LARGE1: variants seen among roughly 807,000 people sequenced by gnomAD.
LARGE1 encodes the protein LARGE xylosyl- and glucuronyltransferase 1, also known as xylosyl- and glucuronyltransferase LARGE1.
In LARGE1, 43 loss-of-function variants were observed where a neutral mutation model predicts 87.6. That is an observed-to-expected ratio of 0.49 (90% CI 0.38 to 0.63). The LOEUF (loss-of-function observed/expected upper bound fraction) is 0.63, where lower values mean the gene tolerates loss of function less well. Ranked by LOEUF, LARGE1 falls within the 30% of genes least tolerant of loss-of-function variation. The pLI is 0.00. For synonymous variants in LARGE1, 434 were observed against 394.6 expected (o/e 1.10, Z -1.18); for missense variants, 802 against 1,000.2 (o/e 0.80, Z 2.67).
Position 33,479,483 on chromosome 22 carries a change from T to C in LARGE1, c.788-47218A>G, listed in dbSNP as rs1416777050. ...AAACTCCATAGAAACAGGGACTTTG[T>C]CAGTTATTTCTACAGTCAACAGGAC... is the stretch of plus-strand genomic sequence containing the variant. On this transcript the variant is annotated intron_variant, in intron 6 of 14. Coordinates refer to ENST00000397394, the MANE Select transcript of LARGE1 (RefSeq NM_133642.5). 2.6e-5 allele frequency among the ~76,000 whole-genome samples: 4 copies of C among 152,338 alleles called. 1 individual carries two copies. The East Asian group carries it at 7.7e-4, about 29-fold the overall frequency.
intron 11 of LARGE1, among the ~76,000 whole-genome samples, chr22:33,248,749 T>C (rs1352922116): frequency 6.6e-6 from 1 of 152,260 alleles, no homozygotes; most frequent in Non-Finnish European, 1.5e-5. Context: ...CCTGATCTTT[T>C]TACTATCTCC....
chr22:33,077,352 T>C, the LARGE1 span, among the ~76,000 whole-genome samples: 3 of 152,206 alleles, frequency 2.0e-5, no homozygotes, highest in Non-Finnish European at 4.4e-5. Flanking sequence ...CCCAGAGTCA[T>C]ATAGTACTTT....
At chr22:33,244,286 C>T (rs1429936242) in intron 11 of LARGE1, among the ~76,000 whole-genome samples, 9 of 152,082 alleles carry the variant, frequency 5.9e-5, no homozygotes, top group East Asian at 3.8e-4. Flanking sequence ...TGAGCCACCG[C>T]GCCCGGCCTA....
intron 11 of LARGE1, among the ~76,000 whole-genome samples, chr22:33,307,680 A>G (rs916515572): frequency 2.5e-4 from 38 of 152,118 alleles, no homozygotes; most frequent in Non-Finnish European, 4.6e-4. Flanking sequence ...TCTAGTGGGG[A>G]AAAAAGACAA....
At chr22:33,842,708 C>G (rs950652965) in intron 1 of LARGE1, among the ~76,000 whole-genome samples, 2 of 152,160 alleles carry the variant, frequency 1.3e-5, no homozygotes, top group African/African-American at 4.8e-5. Flanking sequence ...CATCTGTGCT[C>G]TAAAATATGG....
chr22:33,859,042 G>A (rs1305522359), intron 1 of LARGE1, among the ~76,000 whole-genome samples: 1 of 151,890 alleles, frequency 6.6e-6, no homozygotes, highest in Non-Finnish European at 1.5e-5. Flanking sequence ...GGCCTGTAGG[G>A]GGTCGGGGGC....
At chr22:33,310,592 G>A (rs542987698) in intron 11 of LARGE1, among the ~76,000 whole-genome samples, 23 of 152,166 alleles carry the variant, frequency 1.5e-4, no homozygotes, top group Non-Finnish European at 3.1e-4. Flanking sequence ...TGGCATTCAC[G>A]TAGGGCCTAC....
rs140841689 is a variant in LARGE1 at position 33,336,783 on chromosome 22, C to T, written c.1287+863G>A. On this transcript the variant is annotated intron_variant, in intron 10 of 14. Transcript: ENST00000397394. ...TCAACTCTAAAAAGTCGGTTCTGGCCGGGCGCGGTGGCTCACACCTGTAAT... is the reference window on the plus strand; with the variant it reads ...TCAACTCTAAAAAGTCGGTTCTGGCTGGGCGCGGTGGCTCACACCTGTAAT... Among the ~76,000 whole-genome samples, 1,266 of 152,084 alleles carry T rather than the reference C, an allele frequency of 8.3e-3. 10 individuals are homozygous for T. The highest frequency in any genetic ancestry group is 0.024 in the African/African-American group (997 of 41,506).
chr22:33,475,548 G>A (rs1474887492), intron 6 of LARGE1, among the ~76,000 whole-genome samples: 3 of 151,662 alleles, frequency 2.0e-5, no homozygotes, highest in South Asian at 2.1e-4. Flanking sequence ...TGCAACCTCC[G>A]CCTCCCAGGT....
chr22:33,691,821 G>C (rs1012984561), intron 2 of LARGE1, among the ~76,000 whole-genome samples: 1 of 152,132 alleles, frequency 6.6e-6, no homozygotes, highest in Non-Finnish European at 1.5e-5. Flanking sequence ...GCCTAGGAGG[G>C]GTGGACTCTC....
At chr22:33,256,593 A>C (rs1010753200) in intron 11 of LARGE1, among the ~76,000 whole-genome samples, 1 of 152,214 alleles carries the variant, frequency 6.6e-6, no homozygotes, top group Non-Finnish European at 1.5e-5. Context: ...ACAATGCCAG[A>C]CTTCCATTCC....
downstream of LARGE1, among the ~76,000 whole-genome samples, chr22:33,271,969 T>C (rs1928277161): frequency 6.6e-6 from 1 of 152,266 alleles, no homozygotes; most frequent in Non-Finnish European, 1.5e-5. Context: ...TTCTAGTTTA[T>C]GCCTATTGTG....
chr22:33,777,657 G>A (rs1167925367), intron 1 of LARGE1, among the ~76,000 whole-genome samples: 3 of 118,528 alleles, frequency 2.5e-5, no homozygotes, highest in East Asian at 2.3e-4. Context: ...GGAGGGGGAG[G>A]GGGAGGGGAA....
the LARGE1 span, among the ~76,000 whole-genome samples, chr22:33,150,920 C>A: frequency 6.6e-6 from 1 of 151,936 alleles, no homozygotes; most frequent in Non-Finnish European, 1.5e-5. Flanking sequence ...AAATTGTTTT[C>A]CCTAGTCTAG....
At chr22:33,388,768 T>C (rs530546400) in intron 7 of LARGE1, among the ~76,000 whole-genome samples, 2 of 151,972 alleles carry the variant, frequency 1.3e-5, no homozygotes, top group South Asian at 2.1e-4. Flanking sequence ...GGTTTCGCCA[T>C]GTTGGCCAGG....
At chr22:33,485,978 C>T (rs187771796) in intron 6 of LARGE1, among the ~76,000 whole-genome samples, 15 of 152,352 alleles carry the variant, frequency 9.8e-5, no homozygotes, top group Admixed American at 9.2e-4. Flanking sequence ...CTGATTATCT[C>T]AAGAAGAGCA....
chr22:33,714,894 T>C lies in LARGE1; in HGVS notation c.106+46477A>G, dbSNP rs1442096664. On this transcript the variant is annotated intron_variant, in intron 2 of 14. Coordinates refer to ENST00000397394, the MANE Select transcript of LARGE1 (RefSeq NM_133642.5). The stretch of plus-strand genomic sequence containing the variant: ...GGACACATTCCTCACCCGCTTCAGA[T>C]TGTCCTCTGAAATTCAAAGGCAGTC... 8.1e-5 allele frequency among the ~76,000 whole-genome samples: 12 copies of C among 147,502 alleles called. 1 individual carries two copies. Among genetic ancestry groups the C allele is most frequent in the Admixed American group, 6.0e-4 (9 of 15,092 alleles).
intron 6 of LARGE1, among the ~76,000 whole-genome samples, chr22:33,472,207 T>C (rs2068872962): frequency 6.6e-6 from 1 of 152,202 alleles, no homozygotes; most frequent in African/African-American, 2.4e-5. Flanking sequence ...TTTTCAAGCA[T>C]ACTTTAAGGT....
intron 2 of LARGE1, among the ~76,000 whole-genome samples, chr22:33,738,389 A>C (rs1357928828): frequency 1.3e-5 from 2 of 152,182 alleles, no homozygotes; most frequent in African/African-American, 2.4e-5. Flanking sequence ...CAAACTAATC[A>C]GGCTCTCTAG....
Sources: allele counts gnomAD v4.1 joint callset (sites outside exome capture counted in the v4.1 genomes callset), GRCh38; gene constraint gnomAD v4.1.1; transcripts MANE v1.5; gene names NCBI Gene and HGNC (gene_info 2026-07-23, HGNC 2026-07-21).